CPED1: variants seen among roughly 807,000 people sequenced by gnomAD.
CPED1 encodes cadherin like and PC-esterase domain containing 1, also known as cadherin-like and PC-esterase domain-containing protein 1.
Under a neutral mutation model 128.2 loss-of-function variants are expected in CPED1, and 114 were observed. That is an observed-to-expected ratio of 0.89 (90% CI 0.76 to 1.04). The LOEUF (loss-of-function observed/expected upper bound fraction) is 1.04, where lower values mean the gene tolerates loss of function less well. CPED1 is among the 50% of genes least tolerant of loss of function. CPED1 has a pLI of 0.00. For missense variants in CPED1, 1,211 were observed against 1,207.1 expected, an observed-to-expected ratio of 1.00 and a Z score of -0.05; for synonymous variants, 462 against 426.7, an observed-to-expected ratio of 1.08 and a Z score of -1.02.
chr7:121,262,899 AT>A (rs771655610), intron 18 of CPED1, among the ~76,000 whole-genome samples: 15 of 152,260 alleles, frequency 9.9e-5, no homozygotes, highest in Admixed American at 3.3e-4. Flanking sequence ...AGTTAGAAAT[AT>A]CAATCTCTTA....
chr7:121,011,632 G>A (rs1191311916), intron 2 of CPED1, among the ~76,000 whole-genome samples: 1 of 152,132 alleles, frequency 6.6e-6, no homozygotes, highest in African/African-American at 2.4e-5. Context: ...TCAAAAACAT[G>A]TGCTTTCATT....
Position 121,124,372 on chromosome 7 carries a change from T to G in CPED1, c.960T>G (p.Pro320=). ...AGACATTCCTGAGAGCCAGTTCACC[T>G]CAACAGGCTTTTGACATTATGAAGG... ...FFETFLRASS[P]QQAFDIMKEA... Residue 320 remains proline, a synonymous_variant, in exon 8 of 23, where the codon CCT becomes CCG. Coordinates refer to ENST00000310396, the MANE Select transcript of CPED1 (RefSeq NM_024913.5). The G allele has an allele frequency of 6.2e-7, 1 of 1,610,440 alleles. No homozygotes were observed. The highest frequency in any genetic ancestry group is 1.1e-5 in the South Asian group (1 of 90,620).
chr7:121,183,076 T>G (rs1796933237), intron 16 of CPED1, among the ~76,000 whole-genome samples: 1 of 152,076 alleles, frequency 6.6e-6, no homozygotes, highest in African/African-American at 2.4e-5. Flanking sequence ...TTATTAATAG[T>G]TAGATAATTC....
intron 16 of CPED1, among the ~76,000 whole-genome samples, chr7:121,219,119 C>T (rs928382516): frequency 6.6e-5 from 10 of 152,030 alleles, no homozygotes; most frequent in African/African-American, 2.4e-4. Flanking sequence ...TGTATCTAAG[C>T]ATATAAATTC....
chr7:121,127,106 A>AT lies in CPED1; in HGVS notation c.1155dup (p.Gln386SerfsTer4). 6.3e-7 allele frequency: 1 copy of AT among 1,591,390 alleles called. No homozygotes were observed. The highest frequency in any genetic ancestry group is 8.5e-7 in the Non-Finnish European group (1 of 1,171,256). On this transcript the variant is annotated frameshift_variant, in exon 10 of 23. Coordinates refer to ENST00000310396, the MANE Select transcript of CPED1 (RefSeq NM_024913.5). LOFTEE classifies it high-confidence loss of function. ...CTTTCAAAGGTACACGAGCATTTAA[A>AT]TTTTCAAGATTATGATAATATGGAT...
chr7:121,174,286 A>C (rs1453620133), intron 16 of CPED1, among the ~76,000 whole-genome samples: 1 of 152,110 alleles, frequency 6.6e-6, no homozygotes, highest in Admixed American at 6.6e-5. Flanking sequence ...TTCGTCATAA[A>C]ATAATTGCTC....
At chr7:121,043,649 T>C (rs1277504023) in intron 3 of CPED1, among the ~76,000 whole-genome samples, 3 of 152,078 alleles carry the variant, frequency 2.0e-5, no homozygotes, top group Non-Finnish European at 4.4e-5. Context: ...CAAGCAGAGT[T>C]AGGGCCAGGT....
At chr7:121,133,693 G>T (rs1795722765) in intron 12 of CPED1, 130 bp from the exon 13 acceptor site, 1 of 595,344 alleles carries the variant, frequency 1.7e-6, no homozygotes, top group Non-Finnish European at 2.9e-6. Context: ...GGATTGAAAT[G>T]CAGAAAGCGT....
At chr7:121,151,866 A>ATTTGACTAAC (rs5887015) in intron 16 of CPED1, among the ~76,000 whole-genome samples, 66,545 of 151,728 alleles carry the variant, frequency 0.44, 15,823 homozygotes, top group East Asian at 0.84. Context: ...TTCCACATGC[A>ATTTGACTAAC]TGTGACATTT....
intron 5 of CPED1, among the ~76,000 whole-genome samples, chr7:121,074,314 G>C (rs1794065450): frequency 3.3e-5 from 5 of 152,056 alleles, no homozygotes; most frequent in Admixed American, 3.3e-4. Flanking sequence ...CTCTTGTCCA[G>C]GCCTTGTTGT....
rs190734335 is a variant in CPED1, at chr7:121,043,823, G to A, written c.434-3064G>A. Reference sequence around the variant, plus strand: ...GAATTGTGCTGACATTTGCATTTTGGCAAATACTTAAAACAAAAACAAAAC... The same window carrying A: ...GAATTGTGCTGACATTTGCATTTTGACAAATACTTAAAACAAAAACAAAAC... On this transcript the variant is annotated intron_variant, in intron 3 of 22. Transcript: ENST00000310396. 4.0e-4 allele frequency among the ~76,000 whole-genome samples: 61 copies of A among 152,290 alleles called. 1 individual carries two copies. The highest frequency in any genetic ancestry group is 1.2e-3 in the African/African-American group (50 of 41,570).
chr7:121,115,245 A>G (rs1002519019), intron 7 of CPED1, among the ~76,000 whole-genome samples: 4 of 152,208 alleles, frequency 2.6e-5, no homozygotes, highest in Non-Finnish European at 5.9e-5. Flanking sequence ...ATTATGCATA[A>G]TTAAGCATAA....
At chr7:121,034,546 G>A (rs975627126) in intron 3 of CPED1, among the ~76,000 whole-genome samples, 1 of 151,918 alleles carries the variant, frequency 6.6e-6, no homozygotes, top group Non-Finnish European at 1.5e-5. Flanking sequence ...GCGCCTGGCC[G>A]ACATCAAGTA....
chr7:121,182,173 G>T (rs139811273), intron 16 of CPED1, among the ~76,000 whole-genome samples: 80 of 147,170 alleles, frequency 5.4e-4, no homozygotes, highest in Non-Finnish European at 8.2e-4. Context: ...ATGTCAGCCC[G>T]TGCTAAATAC....
chr7:121,151,687 T>C lies in CPED1; in HGVS notation c.2055+9546T>C, dbSNP rs370109458. Among the ~76,000 whole-genome samples, 12 of 152,352 alleles carry C rather than the reference T, an allele frequency of 7.9e-5. No individual in the cohort carries two copies. The East Asian group carries it at 1.5e-3, about 20-fold the overall frequency. On this transcript the variant is annotated intron_variant, in intron 16 of 22. Coordinates refer to ENST00000310396, the MANE Select transcript of CPED1 (RefSeq NM_024913.5). ...AAAAGTGGTTATGAGTTGTAGGTAA[T>C]GGTGCTCCTGAAAACCCAGAGAAAT...
intron 2 of CPED1, among the ~76,000 whole-genome samples, chr7:120,994,645 G>GTGTGTGTGTGTGTGTGTGTGTGTGTGTT (rs1796363263): frequency 7.2e-6 from 1 of 139,720 alleles, no homozygotes; most frequent in Non-Finnish European, 1.6e-5. Flanking sequence ...GTGTGTGTGT[G>GTGTGTGTGTGTGTGTGTGTGTGTGTGTT]TGTGTGTGTG....
At chr7:121,007,985 T>TTCTTA in intron 2 of CPED1, among the ~76,000 whole-genome samples, 1 of 151,882 alleles carries the variant, frequency 6.6e-6, no homozygotes, top group Non-Finnish European at 1.5e-5. Flanking sequence ...TTCTTTTCTT[T>TTCTTA]CTTTCTTTCT....
intron 7 of CPED1, among the ~76,000 whole-genome samples, chr7:121,117,731 G>A (rs190305963): frequency 6.6e-6 from 1 of 152,144 alleles, no homozygotes; most frequent in Admixed American, 6.5e-5. Context: ...GAGAGTCACT[G>A]CCCAGAACTT....
intron 16 of CPED1, 44 bp from the exon 17 acceptor site, chr7:121,236,670 C>T (rs1401607999): frequency 3.4e-6 from 4 of 1,175,954 alleles, no homozygotes; most frequent in Non-Finnish European, 4.8e-6. Flanking sequence ...TATTATGGGT[C>T]AAGTTAATTA....
Sources: allele counts gnomAD v4.1 joint callset (sites outside exome capture counted in the v4.1 genomes callset), GRCh38; gene constraint gnomAD v4.1.1; transcripts MANE v1.5; gene names NCBI Gene and HGNC (gene_info 2026-07-23, HGNC 2026-07-21).